The following TRMT2B variants were observed in gnomAD, a reference collection of about 807,000 sequenced individuals.
TRMT2B encodes tRNA methyltransferase 2B, also known as tRNA (uracil-5-)-methyltransferase homolog B.
A neutral mutation model predicts 39.7 loss-of-function variants in TRMT2B; 34 were observed. The observed-to-expected ratio is 0.86, with a 90% CI of 0.65 to 1.14. The LOEUF (loss-of-function observed/expected upper bound fraction) is 1.14, where lower values mean the gene tolerates loss of function less well. TRMT2B is among the 50% of genes most tolerant of loss of function. The pLI is 0.00. For synonymous variants in TRMT2B, 132 were observed against 137.3 expected (o/e 0.96, Z 0.27); for missense variants, 318 against 377.2 (o/e 0.84, Z 1.30).
chrX:100,992,523 G>A, the TRMT2B span, among the ~76,000 whole-genome samples: 62 of 111,494 alleles, frequency 5.6e-4, no homozygotes, highest in African/African-American at 1.9e-3. Flanking sequence ...GGAGGTTGCA[G>A]TGAGCCGAGA....
the TRMT2B span, chrX:100,986,789 G>A: frequency 1.3e-5 from 15 of 1,170,005 alleles, no homozygotes; most frequent in Non-Finnish European, 1.7e-5. Flanking sequence ...CTCATATGCT[G>A]TTTTAGTTTA....
At chrX:101,037,716 T>C (rs1337119661) in intron 5 of TRMT2B, among the ~76,000 whole-genome samples, 1 of 111,418 alleles carries the variant, frequency 9.0e-6, no homozygotes, top group African/African-American at 3.3e-5. Context: ...AATTACTAAA[T>C]CTCTCTGGGC....
At chrX:100,973,631 TAA>T in the TRMT2B span, 1 of 1,145,648 alleles carries the variant, frequency 8.7e-7, no homozygotes, top group Non-Finnish European at 1.2e-6. Context: ...TCAGTGTTTA[TAA>T]CAGGACTTAC....
At chrX:100,985,694 T>A in the TRMT2B span, 7 of 1,210,477 alleles carry the variant, frequency 5.8e-6, no homozygotes, top group Non-Finnish European at 7.8e-6. Context: ...GACCATTGCA[T>A]GAAATCGGAA....
chrX:100,978,524 C>T, the TRMT2B span, among the ~76,000 whole-genome samples: 1 of 110,904 alleles, frequency 9.0e-6, no homozygotes, highest in African/African-American at 3.3e-5. Flanking sequence ...TACTCCCGCT[C>T]TTTTGGGTTT....
chrX:101,001,408 T>G, the TRMT2B span, among the ~76,000 whole-genome samples: 13 of 109,924 alleles, frequency 1.2e-4, no homozygotes, highest in Non-Finnish European at 2.3e-4. Flanking sequence ...GAAAATTTTT[T>G]TGTGTGTGTG....
the TRMT2B span, among the ~76,000 whole-genome samples, chrX:100,987,152 C>T: frequency 8.9e-6 from 1 of 112,242 alleles, no homozygotes; most frequent in South Asian, 3.7e-4. Context: ...CTCTACGTGA[C>T]TTGCTCAAGG....
At chrX:100,990,217 A>G in the TRMT2B span, 1 of 391,869 alleles carries the variant, frequency 2.6e-6, no homozygotes, top group Non-Finnish European at 3.3e-6. Flanking sequence ...GGTGCAGTCT[A>G]TACCCTGTTG....
At chrX:101,012,070 A>G (rs1479077266) in intron 13 of TRMT2B, among the ~76,000 whole-genome samples, 1 of 111,755 alleles carries the variant, frequency 8.9e-6, no homozygotes, top group East Asian at 2.8e-4. Context: ...CTAAAATAAT[A>G]CAAGTATAGT....
chrX:101,050,675 G>A lies in TRMT2B; in HGVS notation c.-24+576C>T, dbSNP rs1028591584. 7.3e-5 allele frequency among the ~76,000 whole-genome samples: 8 copies of A among 109,540 alleles called. No homozygotes were observed. In the East Asian group the frequency reaches 2.3e-3, roughly 32 times the overall value. ...GGAGGCAGAGGTTGCGGTGAGGCGA[G>A]ATCACACCATTGCACTCCAGCCTGG... On this transcript the variant is annotated intron_variant, in intron 2 of 13. Coordinates refer to ENST00000372936, the MANE Select transcript of TRMT2B (RefSeq NM_024917.6).
chrX:100,976,544 T>C, the TRMT2B span, among the ~76,000 whole-genome samples: 1 of 111,828 alleles, frequency 8.9e-6, no homozygotes, highest in Admixed American at 9.5e-5. Flanking sequence ...ACCTAGTAGG[T>C]TGCTCTGTGC....
chrX:101,013,064 G>A (rs1285498867), intron 13 of TRMT2B, among the ~76,000 whole-genome samples: 2 of 110,804 alleles, frequency 1.8e-5, no homozygotes, highest in Non-Finnish European at 3.8e-5. Flanking sequence ...CAAGTGATCC[G>A]CCTACCTCAG....
At chrX:101,034,173 G>C (rs1315588590) in intron 7 of TRMT2B, among the ~76,000 whole-genome samples, 2 of 84,141 alleles carry the variant, frequency 2.4e-5, no homozygotes, top group African/African-American at 9.4e-5. Context: ...ACATGGTCTC[G>C]CTCTGTCACC....
chrX:101,051,593 TAAGG>T lies in TRMT2B; in HGVS notation c.-370_-367del. Reference sequence around the variant, plus strand: ...TGCAGGGCCCGGGAAGGACAGAAAGTAAGGGAGTGGGAGGAGTTAGGGCACAGGC... The same window carrying T: ...TGCAGGGCCCGGGAAGGACAGAAAGTGAGTGGGAGGAGTTAGGGCACAGGC... On this transcript the variant is annotated 5_prime_UTR_variant, in exon 2 of 14. Coordinates refer to ENST00000372936, the MANE Select transcript of TRMT2B (RefSeq NM_024917.6). 2.7e-6 allele frequency: 2 copies of T among 754,416 alleles called. No homozygotes were observed. The highest frequency in any genetic ancestry group is 3.1e-6 in the Non-Finnish European group (2 of 639,435). The allele number at this position is 754,416 out of a possible 1,213,427, so 62.2% of individuals were successfully genotyped here.
chrX:101,041,481 G>T, intron 3 of TRMT2B, 110 bp from the exon 4 acceptor site: 1 of 707,436 alleles, frequency 1.4e-6, no homozygotes, highest in Non-Finnish European at 2.1e-6. Flanking sequence ...TAGGGAGATG[G>T]AGTCTGGGAG....
chrX:101,000,469 A>G, the TRMT2B span, among the ~76,000 whole-genome samples: 2 of 111,081 alleles, frequency 1.8e-5, no homozygotes, highest in Admixed American at 9.8e-5. Flanking sequence ...ATCTTTCGCT[A>G]GAATTACTAG....
the TRMT2B span, among the ~76,000 whole-genome samples, chrX:101,000,857 C>T: frequency 4.5e-5 from 5 of 111,896 alleles, no homozygotes; most frequent in East Asian, 1.1e-3. Flanking sequence ...GAAGTGATGA[C>T]ACTCAGGAAC....
At chrX:100,998,681 A>G in the TRMT2B span, among the ~76,000 whole-genome samples, 3 of 111,342 alleles carry the variant, frequency 2.7e-5, no homozygotes, top group Admixed American at 9.7e-5. Context: ...GATAAGTGCT[A>G]TTATTATCCT....
chrX:101,010,282 C>T lies in TRMT2B; in HGVS notation c.*299G>A, dbSNP rs2086195731. The T allele has an allele frequency of 2.0e-5, 4 of 197,551 alleles. No homozygotes were observed. In the East Asian group the frequency reaches 3.0e-4, roughly 15 times the overall value. 16.3% of individuals were successfully genotyped at this position (197,551 alleles called of 1,213,427 possible). A position where few individuals can be genotyped will look rare whatever the true frequency, so the allele number is the denominator to read the frequency against. On this transcript the variant is annotated 3_prime_UTR_variant, in exon 14 of 14. Transcript: ENST00000372936. The stretch of plus-strand genomic sequence containing the variant: ...CAAAAATTAGCCGGGCATGGTGGCA[C>T]GCACCTTTAATCCTAGCTACTGGGG...
Sources: gnomAD v4.1 joint callset for allele counts (sites outside exome capture counted in the v4.1 genomes callset) on GRCh38, gnomAD v4.1.1 for gene constraint, MANE v1.5 for transcripts, NCBI Gene and HGNC (gene_info 2026-07-23, HGNC 2026-07-21) for gene names.